The following DNAH5 variants were observed in gnomAD, a reference collection of about 807,000 sequenced individuals.
DNAH5 encodes dynein axonemal heavy chain 5, also known as axonemal beta dynein heavy chain 5.
DNAH5 carries 372 observed loss-of-function variants against 518.2 expected under a neutral mutation model. The ratio of observed to expected loss-of-function variants is 0.72; its 90% CI spans 0.66 to 0.78. The LOEUF is 0.78. Among genes scored for constraint, DNAH5 ranks in the 30% least tolerant of loss-of-function variants. The pLI is 0.00. For missense variants in DNAH5, 5,523 were observed against 5,687.0 expected, an observed-to-expected ratio of 0.97 and a Z score of 0.93; for synonymous variants, 2,039 against 2,025.9, an observed-to-expected ratio of 1.01 and a Z score of -0.17.
At position 13,766,198 on chromosome 5, in the gene DNAH5, G is replaced by A. The variant is rs1752498960; in HGVS notation, c.9898-19C>T. 9.9e-6 allele frequency: 16 copies of A among 1,612,900 alleles called. No individual in the cohort carries two copies. The highest frequency in any genetic ancestry group is 2.7e-5 in the African/African-American group (2 of 74,920). ...TGATGGTCTGGGGGATGAAAGGAAC[G>A]ATCACCCAACCACAGATAGGAAAGC... On this transcript the variant is annotated intron_variant, in intron 58 of 78. Coordinates refer to ENST00000265104, the MANE Select transcript of DNAH5 (RefSeq NM_001369.3).
intron 21 of DNAH5, among the ~76,000 whole-genome samples, chr5:13,879,274 C>G (rs187450289): frequency 6.6e-6 from 1 of 152,286 alleles, no homozygotes; most frequent in Non-Finnish European, 1.5e-5. Flanking sequence ...TATGATTTAT[C>G]TGACAGGGAA....
At chr5:13,857,091 A>T (rs999843717) in intron 30 of DNAH5, among the ~76,000 whole-genome samples, 4 of 152,236 alleles carry the variant, frequency 2.6e-5, no homozygotes, top group African/African-American at 9.6e-5. Flanking sequence ...TGCAGATGAC[A>T]TGATTGTATA....
At chr5:13,764,500 A>T (rs1280552606) in intron 59 of DNAH5, among the ~76,000 whole-genome samples, 1 of 152,246 alleles carries the variant, frequency 6.6e-6, no homozygotes, top group Non-Finnish European at 1.5e-5. Flanking sequence ...TGGGAAATGC[A>T]AATTAAGCCA....
chr5:13,766,501 T>G (rs944574648), intron 58 of DNAH5, among the ~76,000 whole-genome samples: 1 of 152,216 alleles, frequency 6.6e-6, no homozygotes, highest in Non-Finnish European at 1.5e-5. Context: ...AGTCAGCACA[T>G]AAGTAGATTT....
At chr5:13,744,728 G>A (rs1749099585) in intron 65 of DNAH5, among the ~76,000 whole-genome samples, 1 of 152,016 alleles carries the variant, frequency 6.6e-6, no homozygotes, top group Non-Finnish European at 1.5e-5. Context: ...GCTTAACAAA[G>A]AAGCAAATGA....
At chr5:13,890,932 A>C in intron 17 of DNAH5, 44 bp downstream of exon 17, 1 of 1,611,832 alleles carries the variant, frequency 6.2e-7, no homozygotes, top group Non-Finnish European at 8.5e-7. Flanking sequence ...TAGGAAAATG[A>C]ATCACCAAAA....
At position 13,870,709 on chromosome 5, in the gene DNAH5, G is replaced by T. The variant is rs368991036; in HGVS notation, c.3834+58C>A. The T allele has an allele frequency of 1.5e-5, 22 of 1,433,694 alleles. No individual in the cohort carries two copies. In the East Asian group the frequency reaches 1.6e-4, roughly 10 times the overall value. 88.8% of individuals were successfully genotyped at this position (1,433,694 alleles called of 1,614,324 possible). The stretch of plus-strand genomic sequence containing the variant: ...CACTCCAGACCCAGTCAATATTTCA[G>T]CTAATAGCATCCAACATGTAGAAAT... On this transcript the variant is annotated intron_variant, in intron 24 of 78. Transcript: ENST00000265104.
chr5:13,841,227 T>C, intron 33 of DNAH5, 97 bp from the exon 34 acceptor site: 1 of 961,992 alleles, frequency 1.0e-6, no homozygotes, highest in South Asian at 1.4e-5. Context: ...GTTACACAAG[T>C]GTAAAGCCAT....
Position 13,900,629 on chromosome 5 carries a change from A to T in DNAH5, c.2053-217T>A, listed in dbSNP as rs1774475540. ...TGATGTTGGGCAGTCAATTCAATAA[A>T]ACCTTTCAATGACTCTAACACTGAT... On this transcript the variant is annotated intron_variant, in intron 14 of 78. Transcript: ENST00000265104. 1.0e-5 allele frequency: 6 copies of T among 588,002 alleles called. No homozygotes were observed. In the East Asian group the frequency reaches 1.8e-4, roughly 17 times the overall value. The allele number at this position is 588,002 out of a possible 1,614,324, so 36.4% of individuals were successfully genotyped here.
Position 13,786,166 on chromosome 5 carries a change from G to A in DNAH5, c.8820+13C>T, listed in dbSNP as rs376489412. 5 of 1,613,634 alleles carry A rather than the reference G, an allele frequency of 3.1e-6. No individual in the cohort carries two copies. In the African/African-American group the frequency reaches 4.0e-5, roughly 13 times the overall value. ...TCACCTCCACAAGGCACTACTCAGAGTGGCTACTGTACCTTGACTAAGTGA... is the reference window on the plus strand; with the variant it reads ...TCACCTCCACAAGGCACTACTCAGAATGGCTACTGTACCTTGACTAAGTGA... On this transcript the variant is annotated intron_variant, in intron 52 of 78. Transcript: ENST00000265104.
At chr5:13,953,129 A>T (rs771569127) in intron 1 of DNAH5, among the ~76,000 whole-genome samples, 6 of 152,222 alleles carry the variant, frequency 3.9e-5, no homozygotes, top group Non-Finnish European at 8.8e-5. Flanking sequence ...TCTTATTGCT[A>T]AGAAGACTAA....
chr5:13,848,303 G>T (rs961020352), intron 31 of DNAH5, among the ~76,000 whole-genome samples: 7 of 152,194 alleles, frequency 4.6e-5, no homozygotes, highest in African/African-American at 1.7e-4. Context: ...TGACGTTGGC[G>T]TTGGCTATGG....
intron 53 of DNAH5, among the ~76,000 whole-genome samples, chr5:13,778,596 A>AAGAAAGAAAGAAAGAAAGAGAGAG (rs768853052): frequency 9.8e-6 from 1 of 102,150 alleles, no homozygotes; most frequent in Non-Finnish European, 2.0e-5. Context: ...GAAAGAAAGA[A>AAGAAAGAAAGAAAGAAAGAGAGAG]AGAGAGAGAG....
intron 30 of DNAH5, 112 bp downstream of exon 30, chr5:13,859,340 T>G (rs1178684063): frequency 2.6e-6 from 3 of 1,163,492 alleles, no homozygotes; most frequent in East Asian, 2.4e-5. Flanking sequence ...ACAAAAAGAT[T>G]GAAGGAAGGG....
In DNAH5 at chr5:13,714,553, C is replaced by G. The variant is rs372917600; in HGVS notation, c.12977G>C (p.Ser4326Thr). ...GTCCAGCACGTCCTTGGCCAGCTTG[C>G]TCTGGTAGGTGATGTCAGCATTGGG... ...LHPNADITYQ[S>T]KLAKDVLDTI... The change falls in exon 75 of 79, where the codon AGC (serine) becomes ACC (threonine). Residue 4326 changes from serine to threonine, a missense_variant. By Grantham distance (58) the Ser-to-Thr change is moderately conservative. Coordinates refer to ENST00000265104, the MANE Select transcript of DNAH5 (RefSeq NM_001369.3). 3.1e-6 allele frequency: 5 copies of G among 1,614,196 alleles called. No individual in the cohort carries two copies. The highest frequency in any genetic ancestry group is 4.2e-6 in the Non-Finnish European group (5 of 1,180,030).
chr5:13,810,467 A>C (rs913124522), intron 44 of DNAH5: 1 of 613,146 alleles, frequency 1.6e-6, no homozygotes, highest in Admixed American at 2.5e-5. Context: ...TTGGCCGGGC[A>C]CGGTGGCTCA....
intron 1 of DNAH5, among the ~76,000 whole-genome samples, chr5:13,990,934 A>T (rs966533977): frequency 4.6e-5 from 7 of 152,246 alleles, no homozygotes; most frequent in African/African-American, 1.7e-4. Flanking sequence ...AACCCTAAAT[A>T]AATTAACTGC....
Position 13,895,702 on chromosome 5 carries a change from G to T in DNAH5, c.2260-881C>A, listed in dbSNP as rs75312912. 6.4e-3 allele frequency among the ~76,000 whole-genome samples: 971 copies of T among 152,144 alleles called. 33 individuals are homozygous for T. In the East Asian group the frequency reaches 0.07, roughly 11 times the overall value. ...AGATGCCAGAAACAAACACATTTAC[G>T]TCTCCAGCCCAGATCTCACTCCTGA... On this transcript the variant is annotated intron_variant, in intron 15 of 78. Coordinates refer to ENST00000265104, the MANE Select transcript of DNAH5 (RefSeq NM_001369.3).
chr5:13,882,890 C>T lies in DNAH5; in HGVS notation c.3174+14G>A, dbSNP rs774005144. The T allele has an allele frequency of 3.4e-5, 55 of 1,614,144 alleles. No homozygotes were observed. The highest frequency in any genetic ancestry group is 4.6e-5 in the Non-Finnish European group (54 of 1,180,002). ...TGGTTTCCATATGAAACCATTTCTG[C>T]ACCCCATACCCACCTTGGACAACAG... On this transcript the variant is annotated intron_variant, in intron 20 of 78. Transcript: ENST00000265104.
Sources: gnomAD v4.1 joint callset for allele counts (sites outside exome capture counted in the v4.1 genomes callset) on GRCh38, gnomAD v4.1.1 for gene constraint, MANE v1.5 for transcripts, NCBI Gene and HGNC (gene_info 2026-07-23, HGNC 2026-07-21) for gene names.